Variants in CTPS2 observed in about 807,000 individuals in gnomAD.
CTPS2 encodes the protein CTP synthase II.
CTPS2 carries 19 observed loss-of-function variants against 46.8 expected under a neutral mutation model. That is an observed-to-expected ratio of 0.41 (90% CI 0.28 to 0.60). CTPS2 has a LOEUF of 0.60. Ranked by LOEUF, CTPS2 falls within the 20% of genes least tolerant of loss-of-function variation. The pLI, the probability that CTPS2 is intolerant of heterozygous loss-of-function variation, is 0.35. For synonymous variants in CTPS2, 151 were observed against 165.2 expected (o/e 0.91, Z 0.66); for missense variants, 286 against 447.6 (o/e 0.64, Z 3.26).
At chrX:16,702,515 T>C (rs1312988804) in intron 2 of CTPS2, among the ~76,000 whole-genome samples, 1 of 112,193 alleles carries the variant, frequency 8.9e-6, no homozygotes, top group African/African-American at 3.2e-5. Context: ...TAAAACAGAA[T>C]CTGTAGTGCA....
intron 10 of CTPS2, among the ~76,000 whole-genome samples, chrX:16,676,184 C>A (rs1050984271): frequency 9.0e-6 from 1 of 111,728 alleles, no homozygotes; most frequent in African/African-American, 3.3e-5. Flanking sequence ...GTTATATTAC[C>A]AAGGCTTTGA....
chrX:16,635,401 G>A (rs1016886662), intron 14 of CTPS2, among the ~76,000 whole-genome samples: 2 of 111,883 alleles, frequency 1.8e-5, no homozygotes, highest in Admixed American at 9.5e-5. Flanking sequence ...GGCCAGGCAC[G>A]GCGGCTCATG....
rs778824207 is a variant in CTPS2, at chrX:16,689,625, A to G, written c.721-24T>C. ...ACCTAAGTGGCGATGAGAAATCACC[A>G]TACTTAGATGGATCTATTCAAATAT... On this transcript the variant is annotated intron_variant, in intron 7 of 18. Coordinates refer to ENST00000359276, the MANE Select transcript of CTPS2 (RefSeq NM_175859.3). 3 of 1,177,596 alleles carry G rather than the reference A, an allele frequency of 2.5e-6. No individual in the cohort carries two copies. In the Admixed American group the frequency reaches 7.0e-5, roughly 27 times the overall value.
rs193257054 is a variant in CTPS2, at chrX:16,688,379, G to A, written c.872+1071C>T. ...CGCACCACTGCACTCCAGCCTGGGC[G>A]ACACAGTGACACTCCATCTCAAAAA... On this transcript the variant is annotated intron_variant, in intron 8 of 18. Transcript: ENST00000359276. Among the ~76,000 whole-genome samples, 224 of 107,817 alleles carry A rather than the reference G, an allele frequency of 2.1e-3. 2 individuals carry two copies. Among genetic ancestry groups the A allele is most frequent in the Admixed American group, 6.2e-3 (61 of 9,849 alleles). The allele number at this position is 107,817 out of a possible 115,157, so 93.6% of individuals were successfully genotyped here.
At chrX:16,654,563 G>T (rs1357608506) in intron 13 of CTPS2, 1 of 699,787 alleles carries the variant, frequency 1.4e-6, no homozygotes, top group African/African-American at 2.2e-5. Context: ...CTGTGCTGTG[G>T]TCTTATCCTA....
At chrX:16,609,461 G>A in intron 17 of CTPS2, 80 bp downstream of exon 17, 1 of 954,589 alleles carries the variant, frequency 1.0e-6, no homozygotes, top group Non-Finnish European at 1.5e-6. Context: ...ATTCTATAGT[G>A]GTATTAATTT....
intron 7 of CTPS2, among the ~76,000 whole-genome samples, chrX:16,691,107 A>C (rs959813844): frequency 8.9e-6 from 1 of 112,513 alleles, no homozygotes. Flanking sequence ...ATCTGAGGTC[A>C]GGAGTTCGAG....
intron 16 of CTPS2, among the ~76,000 whole-genome samples, chrX:16,612,095 A>T (rs925264392): frequency 8.0e-5 from 9 of 112,071 alleles, no homozygotes; most frequent in Admixed American, 4.7e-4. Context: ...GAATCACTTT[A>T]TCCAAAAAAT....
chrX:16,679,333 G>T (rs1602252469), intron 9 of CTPS2, among the ~76,000 whole-genome samples: 1 of 109,731 alleles, frequency 9.1e-6, no homozygotes, highest in Non-Finnish European at 1.9e-5. Context: ...ACTCAAGTCT[G>T]GTCAACAGAG....
At chrX:16,609,824 T>C in intron 16 of CTPS2, 139 bp from the exon 17 acceptor site, 1 of 600,446 alleles carries the variant, frequency 1.7e-6, no homozygotes, top group Non-Finnish European at 2.4e-6. Context: ...CCAGTTACTT[T>C]CACTATCCAT....
intron 8 of CTPS2, among the ~76,000 whole-genome samples, chrX:16,684,988 G>T (rs371809499): frequency 1.8e-5 from 2 of 111,390 alleles, no homozygotes; most frequent in South Asian, 3.8e-4. Context: ...CTACTCAGGA[G>T]ACTGAGGAAG....
At chrX:16,647,134 G>A (rs1176378447) in intron 13 of CTPS2, among the ~76,000 whole-genome samples, 1 of 110,997 alleles carries the variant, frequency 9.0e-6, no homozygotes, top group African/African-American at 3.3e-5. Context: ...GACAAGAGAT[G>A]TGACTGGTAG....
rs1306984433 is a variant in CTPS2, at chrX:16,702,805, C to T, written c.98G>A (p.Arg33Gln). ...IGTILKSCGL[R>Q]VTAIKIDPYI... is the part of the protein sequence containing the mutation. Reference sequence around the variant, plus strand: ...GGGGTCGATTTTTATGGCAGTAACTCGGAGTCCACATGATTTTAGAATCGT... The same window carrying T: ...GGGGTCGATTTTTATGGCAGTAACTTGGAGTCCACATGATTTTAGAATCGT... The change falls in exon 2 of 19, where the codon CGA (arginine) becomes CAA (glutamine). Residue 33 changes from arginine to glutamine, a missense_variant. Coordinates refer to ENST00000359276, the MANE Select transcript of CTPS2 (RefSeq NM_175859.3). 2 of 1,210,044 alleles carry T rather than the reference C, an allele frequency of 1.7e-6. No homozygotes were observed. The highest frequency in any genetic ancestry group is 2.2e-6 in the Non-Finnish European group (2 of 894,471).
intron 8 of CTPS2, among the ~76,000 whole-genome samples, chrX:16,684,816 C>T (rs1026411452): frequency 8.9e-6 from 1 of 111,756 alleles, no homozygotes; most frequent in African/African-American, 3.3e-5. Flanking sequence ...ACGGGCCGGG[C>T]GTGGTGACTC....
chrX:16,596,815 G>T (rs1279904300), intron 17 of CTPS2, among the ~76,000 whole-genome samples: 4 of 106,648 alleles, frequency 3.8e-5, no homozygotes, highest in Admixed American at 2.0e-4. Flanking sequence ...CACCAACGGT[G>T]TAAAAGTGTT....
chrX:16,590,747 C>G lies in CTPS2; in HGVS notation c.*41+5G>C, dbSNP rs769042421. ...AATGAACAATCCTCGAAGATTCCATCTTACCCTCACAGGCAGTCCCCATTA... is the reference window on the plus strand; with the variant it reads ...AATGAACAATCCTCGAAGATTCCATGTTACCCTCACAGGCAGTCCCCATTA... On this transcript the variant is annotated splice_donor_5th_base_variant and intron_variant, in intron 18 of 18. Coordinates refer to ENST00000359276, the MANE Select transcript of CTPS2 (RefSeq NM_175859.3). The G allele has an allele frequency of 8.5e-6, 8 of 941,850 alleles. No individual in the cohort carries two copies. Among genetic ancestry groups the G allele is most frequent in the Non-Finnish European group, 1.2e-5 (8 of 654,725 alleles). 77.6% of individuals were successfully genotyped at this position (941,850 alleles called of 1,213,427 possible).
At chrX:16,632,411 CT>C (rs898138023) in intron 14 of CTPS2, among the ~76,000 whole-genome samples, 4 of 109,500 alleles carry the variant, frequency 3.7e-5, no homozygotes, top group African/African-American at 1.3e-4. Context: ...CAAGAGTTAC[CT>C]TTTTTTTCTT....
rs990013517 is a variant in CTPS2 at position 16,654,322 on chromosome X, G to T, written c.1296+13192C>A. On this transcript the variant is annotated intron_variant, in intron 13 of 18. Transcript: ENST00000359276. ...GCCTTCTTGGCACACAGACCCCAAGGCCTCTAATTTCTGAGAATGTGTAGC... is the reference window on the plus strand; with the variant it reads ...GCCTTCTTGGCACACAGACCCCAAGTCCTCTAATTTCTGAGAATGTGTAGC... 4 of 604,501 alleles carry T rather than the reference G, an allele frequency of 6.6e-6. No individual in the cohort carries two copies. In the African/African-American group the frequency reaches 9.2e-5, roughly 14 times the overall value. 49.8% of individuals were successfully genotyped at this position (604,501 alleles called of 1,213,427 possible). A position where few individuals can be genotyped will look rare whatever the true frequency, so the allele number is the denominator to read the frequency against.
chrX:16,632,319 A>T (rs1313659806), intron 14 of CTPS2, among the ~76,000 whole-genome samples: 2 of 112,267 alleles, frequency 1.8e-5, no homozygotes, highest in East Asian at 2.8e-4. Flanking sequence ...ATGAGTTTTT[A>T]AAAAATCGAG....
Sources: allele counts gnomAD v4.1 joint callset (sites outside exome capture counted in the v4.1 genomes callset), GRCh38; gene constraint gnomAD v4.1.1; transcripts MANE v1.5; gene names NCBI Gene and HGNC (gene_info 2026-07-23, HGNC 2026-07-21).